Variants in HCN1 observed in about 807,000 individuals in gnomAD.
HCN1 encodes the protein potassium/sodium hyperpolarization-activated cyclic nucleotide-gated channel 1.
HCN1 carries 13 observed loss-of-function variants against 78.9 expected under a neutral mutation model. The ratio of observed to expected loss-of-function variants is 0.16; its 90% confidence interval spans 0.11 to 0.26. The LOEUF (loss-of-function observed/expected upper bound fraction) is 0.26. Among genes scored for constraint, HCN1 ranks in the 10% least tolerant of loss-of-function variants. HCN1 has a pLI of 1.00. For missense variants in HCN1, 810 were observed against 1,154.3 expected, an observed-to-expected ratio of 0.70 and a Z score of 4.32; for synonymous variants, 552 against 455.5, an observed-to-expected ratio of 1.21 and a Z score of -2.70.
chr5:45,651,754 A>G (rs1300440143), intron 1 of HCN1, among the ~76,000 whole-genome samples: 1 of 151,936 alleles, frequency 6.6e-6, no homozygotes, highest in Admixed American at 6.6e-5. Flanking sequence ...AACTTCGCAA[A>G]AAAGTTTCAT....
chr5:45,641,827 TTCA>T (rs1745460020), intron 2 of HCN1: 1 of 152,176 alleles, frequency 6.6e-6, no homozygotes, highest in African/African-American at 2.4e-5. Flanking sequence ...TAATCTCCTA[TTCA>T]CTAAGCCCTT....
chr5:45,360,020 C>T (rs927541589), intron 4 of HCN1, among the ~76,000 whole-genome samples: 6 of 150,018 alleles, frequency 4.0e-5, no homozygotes, highest in African/African-American at 9.8e-5. Context: ...TAATATCTAA[C>T]GTACTGGGTG....
At position 45,278,904 on chromosome 5, in the gene HCN1, T is replaced by C. The variant is rs570245856; in HGVS notation, c.1619-11651A>G. Among the ~76,000 whole-genome samples the C allele has an allele frequency of 2.0e-5, 3 of 152,226 alleles. No homozygotes were observed. The South Asian group carries it at 6.2e-4, about 32-fold the overall frequency. On this transcript the variant is annotated intron_variant, in intron 6 of 7. Transcript: ENST00000303230. Reference sequence around the variant, plus strand: ...TTTAAATTAAGAAATGGATTTACATTTTTAAAGGTTTGTTAAAATAAAAGC... The same window carrying C: ...TTTAAATTAAGAAATGGATTTACATCTTTAAAGGTTTGTTAAAATAAAAGC...
intron 3 of HCN1, among the ~76,000 whole-genome samples, chr5:45,451,665 CT>C (rs1192159841): frequency 2.0e-5 from 3 of 152,000 alleles, no homozygotes; most frequent in African/African-American, 4.8e-5. Flanking sequence ...CAGTAAAAAT[CT>C]TTTTTTTAAA....
chr5:45,496,208 T>C (rs1159838197), intron 2 of HCN1, among the ~76,000 whole-genome samples: 2 of 152,152 alleles, frequency 1.3e-5, no homozygotes, highest in Admixed American at 1.3e-4. Flanking sequence ...GTGGTAGAAT[T>C]TGGCTGTGAA....
At chr5:45,320,294 C>A (rs1579808509) in intron 5 of HCN1, among the ~76,000 whole-genome samples, 1 of 151,756 alleles carries the variant, frequency 6.6e-6, no homozygotes, top group Non-Finnish European at 1.5e-5. Flanking sequence ...AAAAGTGCTC[C>A]AAATATCCCA....
At chr5:45,339,128 T>C (rs547726828) in intron 5 of HCN1, among the ~76,000 whole-genome samples, 12 of 152,278 alleles carry the variant, frequency 7.9e-5, no homozygotes, top group East Asian at 7.7e-4. Flanking sequence ...TAGTATGATT[T>C]TCATTCACGA....
intron 2 of HCN1, among the ~76,000 whole-genome samples, chr5:45,585,642 C>T (rs1744200107): frequency 6.6e-6 from 1 of 152,074 alleles, no homozygotes; most frequent in African/African-American, 2.4e-5. Context: ...TGTTTTTTCC[C>T]CATCTTCATG....
intron 5 of HCN1, among the ~76,000 whole-genome samples, chr5:45,340,986 T>G (rs1320839838): frequency 2.0e-5 from 3 of 152,226 alleles, no homozygotes; most frequent in Non-Finnish European, 2.9e-5. Flanking sequence ...AAATCCTTTT[T>G]GCATTCCCTC....
intron 2 of HCN1, among the ~76,000 whole-genome samples, chr5:45,497,931 T>G (rs1034980999): frequency 2.0e-5 from 3 of 152,206 alleles, no homozygotes; most frequent in Admixed American, 6.5e-5. Context: ...TCTTCTGGCT[T>G]GTAGAGTTTC....
At chr5:45,523,449 G>A (rs1742657276) in intron 2 of HCN1, among the ~76,000 whole-genome samples, 1 of 151,994 alleles carries the variant, frequency 6.6e-6, no homozygotes, top group South Asian at 2.1e-4. Flanking sequence ...CTTCCACAAT[G>A]GTTGAACTAG....
chr5:45,554,583 A>G (rs976260365), intron 2 of HCN1, among the ~76,000 whole-genome samples: 2 of 151,734 alleles, frequency 1.3e-5, no homozygotes, highest in Non-Finnish European at 2.9e-5. Context: ...CCTGGTTGAA[A>G]CAACTAACAA....
intron 4 of HCN1, among the ~76,000 whole-genome samples, chr5:45,378,594 G>C (rs897375890): frequency 2.0e-5 from 3 of 151,916 alleles, no homozygotes; most frequent in African/African-American, 7.3e-5. Flanking sequence ...CCAATGTTGG[G>C]TCACTGTTTG....
intron 2 of HCN1, among the ~76,000 whole-genome samples, chr5:45,610,198 C>A (rs1744806188): frequency 1.3e-5 from 2 of 152,142 alleles, no homozygotes; most frequent in African/African-American, 2.4e-5. Context: ...TTAACTTGAA[C>A]CCTTTTTTCT....
intron 2 of HCN1, among the ~76,000 whole-genome samples, chr5:45,474,780 A>T (rs2111659801): frequency 6.6e-6 from 1 of 152,070 alleles, no homozygotes; most frequent in African/African-American, 2.4e-5. Flanking sequence ...CATCAGTAAA[A>T]TATAAACTTG....
intron 2 of HCN1, among the ~76,000 whole-genome samples, chr5:45,581,349 C>A (rs1013179771): frequency 1.1e-4 from 17 of 152,080 alleles, no homozygotes; most frequent in African/African-American, 3.6e-4. Flanking sequence ...TATCCTTCAC[C>A]CACTTTTTGA....
At chr5:45,303,555 TCAAG>T (rs769552478) in intron 6 of HCN1, 40 bp downstream of exon 6, 42 of 1,605,498 alleles carry the variant, frequency 2.6e-5, no homozygotes, top group Admixed American at 3.3e-5. Flanking sequence ...GATACAAATC[TCAAG>T]CAGTTTAGAT....
chr5:45,425,155 C>T (rs1331365151), intron 3 of HCN1, among the ~76,000 whole-genome samples: 5 of 152,256 alleles, frequency 3.3e-5, no homozygotes, highest in South Asian at 4.1e-4. Flanking sequence ...TCCCTATTGC[C>T]GGGCATAATA....
intron 1 of HCN1, 117 bp downstream of exon 1, chr5:45,695,552 G>A (rs1161870904): frequency 1.0e-6 from 1 of 983,096 alleles, no homozygotes; most frequent in Non-Finnish European, 1.5e-6. Context: ...GACGCCGCCG[G>A]CAGCGCCACC....
Sources: gnomAD v4.1 joint callset for allele counts (sites outside exome capture counted in the v4.1 genomes callset) on GRCh38, gnomAD v4.1.1 for gene constraint, MANE v1.5 for transcripts, NCBI Gene and HGNC (gene_info 2026-07-23, HGNC 2026-07-21) for gene names.